The following CEP95 variants were observed in gnomAD, a reference collection of about 807,000 sequenced individuals.
The protein encoded by CEP95 is centrosomal protein 95, also known as centrosomal protein of 95 kDa.
In CEP95, 98 loss-of-function variants were observed where a neutral mutation model predicts 111.2. The observed-to-expected ratio is 0.88, with a 90% CI of 0.75 to 1.04. The LOEUF is 1.04. Ranked by LOEUF, CEP95 falls within the 50% of genes least tolerant of loss-of-function variation. The pLI, the probability that CEP95 is intolerant of heterozygous loss-of-function variation, is 0.00. For missense variants in CEP95, 1,027 were observed against 977.2 expected, an observed-to-expected ratio of 1.05 and a Z score of -0.68; for synonymous variants, 323 against 327.1, an observed-to-expected ratio of 0.99 and a Z score of 0.14.
chr17:64,521,727 CTATTT>C (rs1402611930), intron 7 of CEP95, among the ~76,000 whole-genome samples, 200 bp downstream of exon 7: 32 of 151,216 alleles, frequency 2.1e-4, no homozygotes, highest in East Asian at 1.7e-3. Context: ...TTTGCATCCA[CTATTT>C]TATTATCTAA....
intron 18 of CEP95, 51 bp downstream of exon 18, chr17:64,536,799 C>G: frequency 1.3e-6 from 2 of 1,552,274 alleles, no homozygotes; most frequent in South Asian, 1.2e-5. Context: ...TGACCACTTG[C>G]CCTTGTGGCA....
rs1968768472 is a variant in CEP95 at position 64,537,916 on chromosome 17, T to C, written c.*137T>C. 1.1e-5 allele frequency: 5 copies of C among 464,554 alleles called. No individual in the cohort carries two copies. In the East Asian group the frequency reaches 1.7e-4, roughly 16 times the overall value. The allele number at this position is 464,554 out of a possible 1,614,324, so 28.8% of individuals were successfully genotyped here. A position where few individuals can be genotyped will look rare whatever the true frequency, so the allele number is the denominator to read the frequency against. ...TGTATTTTCATTCCAGTACTTTTTA[T>C]GATTTTTTAAATAAAAATTGTTTTC... On this transcript the variant is annotated 3_prime_UTR_variant, in exon 20 of 20. Transcript: ENST00000556440.
At position 64,514,228 on chromosome 17, in the gene CEP95, G is replaced by C. The variant is rs782545090; in HGVS notation, c.257-20G>C. On this transcript the variant is annotated intron_variant, in intron 3 of 19. Transcript: ENST00000556440. Reference sequence around the variant, plus strand: ...GATTTCATGGTTAAATTTTTTAATAGCTCTATATTCTGTCTCCAGGAGAAA... The same window carrying C: ...GATTTCATGGTTAAATTTTTTAATACCTCTATATTCTGTCTCCAGGAGAAA... The C allele has an allele frequency of 1.5e-5, 14 of 949,038 alleles. No individual in the cohort carries two copies. The highest frequency in any genetic ancestry group is 3.0e-5 in the South Asian group (2 of 66,910). 58.8% of individuals were successfully genotyped at this position (949,038 alleles called of 1,614,324 possible). A position where few individuals can be genotyped will look rare whatever the true frequency, so the allele number is the denominator to read the frequency against.
chr17:64,507,302 G>A, intron 1 of CEP95, 186 bp downstream of exon 1: 1 of 1,462,448 alleles, frequency 6.8e-7, no homozygotes, highest in East Asian at 2.5e-5. Context: ...CGAGGCCGTG[G>A]AACAGCAGTA....
At chr17:64,523,524 G>A (rs1191351622) in intron 8 of CEP95, among the ~76,000 whole-genome samples, 14 of 151,560 alleles carry the variant, frequency 9.2e-5, no homozygotes, top group Admixed American at 7.2e-4. Context: ...CCAAGATCAC[G>A]CCACTGCGCT....
intron 1 of CEP95, chr17:64,507,756 ACT>A (rs2038639705): frequency 3.0e-6 from 3 of 985,382 alleles, no homozygotes; most frequent in Non-Finnish European, 3.6e-6. Flanking sequence ...TGGAAAATAC[ACT>A]CTCATTCGTT....
intron 8 of CEP95, among the ~76,000 whole-genome samples, chr17:64,524,555 C>A (rs773283739): frequency 2.6e-5 from 4 of 152,098 alleles, no homozygotes; most frequent in Admixed American, 6.5e-5. Flanking sequence ...GCCTCACCTG[C>A]CTGCCTCTGC....
rs1409523683 is a variant in CEP95, at chr17:64,537,280, C to G, written c.2289+168C>G. 9 of 1,401,824 alleles carry G rather than the reference C, an allele frequency of 6.4e-6. No homozygotes were observed. The African/African-American group carries it at 1.3e-4, about 20-fold the overall frequency. 86.8% of individuals were successfully genotyped at this position (1,401,824 alleles called of 1,614,324 possible). The stretch of plus-strand genomic sequence containing the variant: ...AGTACACTGACATTTTGCACAACAA[C>G]AAAATCATTTAATGATGCATTTCTT... On this transcript the variant is annotated intron_variant, in intron 19 of 19. Coordinates refer to ENST00000556440, the MANE Select transcript of CEP95 (RefSeq NM_138363.3).
chr17:64,515,381 A>G (rs560540651), intron 4 of CEP95, among the ~76,000 whole-genome samples: 99 of 152,368 alleles, frequency 6.5e-4, no homozygotes, highest in South Asian at 1.9e-3. Context: ...TAGTCTTTTT[A>G]GTAACAGGGT....
chr17:64,523,389 G>A (rs58480217), intron 8 of CEP95, among the ~76,000 whole-genome samples: 5,627 of 152,068 alleles, frequency 0.037, 354 homozygotes, highest in African/African-American at 0.13. Flanking sequence ...TATTGTGTCC[G>A]TAATTTAATA....
At chr17:64,508,022 A>T in intron 1 of CEP95, 2 of 985,108 alleles carry the variant, frequency 2.0e-6, no homozygotes, top group Non-Finnish European at 2.4e-6. Context: ...ATATAGATCG[A>T]TATAATAAAA....
intron 1 of CEP95, chr17:64,507,654 G>T (rs1555673416): frequency 1.0e-6 from 1 of 987,704 alleles, no homozygotes. Context: ...TGTCTAGGAC[G>T]CTTTCATCCT....
chr17:64,530,506 AT>A (rs55675645), intron 12 of CEP95, among the ~76,000 whole-genome samples: 113,342 of 118,548 alleles, frequency 0.96, 54,097 homozygotes, highest in South Asian at 0.98. Flanking sequence ...CCTCTTTTGT[AT>A]TTTTTTTTTT....
intron 10 of CEP95, 113 bp from the exon 11 acceptor site, chr17:64,526,998 A>C (rs1967868357): frequency 1.3e-6 from 1 of 760,700 alleles, no homozygotes; most frequent in Admixed American, 2.5e-5. Context: ...TAAGCGTCTG[A>C]AAACTTGTTA....
At position 64,537,762 on chromosome 17, in the gene CEP95, A is replaced by G. The variant is rs782383136; in HGVS notation, c.2449A>G (p.Lys817Glu). The part of the protein sequence containing the change: ...RLQLASFQYS[K>E]SPSL ...TCAGCTGGCTTCCTTTCAGTACAGT[A>G]AAAGTCCCTCCCTATGAGGCCAGAC... is the stretch of plus-strand genomic sequence containing the variant. Residue 817 changes from lysine to glutamate, a missense_variant, in exon 20 of 20, where the codon AAA becomes GAA. Transcript: ENST00000556440. The G allele has an allele frequency of 3.1e-6, 5 of 1,600,470 alleles. No homozygotes were observed. The highest frequency in any genetic ancestry group is 4.3e-6 in the Non-Finnish European group (5 of 1,173,062).
intron 12 of CEP95, among the ~76,000 whole-genome samples, 165 bp downstream of exon 12, chr17:64,529,592 C>G (rs782799584): frequency 6.6e-6 from 1 of 152,158 alleles, no homozygotes; most frequent in Non-Finnish European, 1.5e-5. Context: ...TCTTTGTTAG[C>G]ATAAAATTAT....
Position 64,534,601 on chromosome 17 carries a change from G to A in CEP95, c.1934G>A (p.Cys645Tyr), listed in dbSNP as rs1555681114. Residue 645 changes from cysteine (C) to tyrosine (Y), a missense_variant, in exon 17 of 20, where the codon TGC (cysteine) becomes TAC (tyrosine). Cys to Tyr is a radical substitution (Grantham distance 194). Coordinates refer to ENST00000556440, the MANE Select transcript of CEP95 (RefSeq NM_138363.3). ...HNKRLQDFKD[C>Y]IRRQRLTQSK... ...CTTTCTTAGCAAGACTTCAAGGACT[G>A]CATTCGTAGGCAAAGGTTGACCCAA... 1.2e-6 allele frequency: 2 copies of A among 1,613,776 alleles called. No individual in the cohort carries two copies. Among genetic ancestry groups the A allele is most frequent in the South Asian group, 2.2e-5 (2 of 91,070 alleles).
chr17:64,508,723 A>G lies in CEP95; in HGVS notation c.148+3A>G. Reference sequence around the variant, plus strand: ...TATTTTGGGAGAAAAGGTACCAGGTAAGAATACTAAAAGCAGGAGTAATTT... The same window carrying G: ...TATTTTGGGAGAAAAGGTACCAGGTGAGAATACTAAAAGCAGGAGTAATTT... On this transcript the variant is annotated splice_donor_region_variant and intron_variant, in intron 2 of 19. Coordinates refer to ENST00000556440, the MANE Select transcript of CEP95 (RefSeq NM_138363.3). The G allele has an allele frequency of 1.5e-6, 2 of 1,371,066 alleles. No individual in the cohort carries two copies. The highest frequency in any genetic ancestry group is 2.2e-5 in the South Asian group (1 of 46,208). The allele number at this position is 1,371,066 out of a possible 1,614,324, so 84.9% of individuals were successfully genotyped here.
At chr17:64,518,749 C>T (rs939084671) in intron 5 of CEP95, among the ~76,000 whole-genome samples, 20 of 151,750 alleles carry the variant, frequency 1.3e-4, no homozygotes, top group African/African-American at 4.6e-4. Flanking sequence ...GGTGCAATCT[C>T]GGCTCACTGC....
Sources: gnomAD v4.1 joint callset for allele counts (sites outside exome capture counted in the v4.1 genomes callset) on GRCh38, gnomAD v4.1.1 for gene constraint, MANE v1.5 for transcripts, NCBI Gene and HGNC (gene_info 2026-07-23, HGNC 2026-07-21) for gene names.